Variants in TMEM161B observed in about 807,000 individuals in gnomAD.
TMEM161B encodes the protein transmembrane protein 161B.
Under a neutral mutation model 61.8 loss-of-function variants are expected in TMEM161B, and 34 were observed. The ratio of observed to expected loss-of-function variants is 0.55; its 90% CI spans 0.42 to 0.73. TMEM161B has a LOEUF of 0.73. Ranked by LOEUF, TMEM161B falls within the 30% of genes least tolerant of loss-of-function variation. The probability of loss-of-function intolerance (pLI) is 0.00; values close to 1 mark genes in which losing one functional copy is unlikely to be tolerated. For missense variants in TMEM161B, 456 were observed against 558.5 expected (o/e 0.82, Z 1.85); for synonymous variants, 167 against 192.8 (o/e 0.87, Z 1.11).
chr5:88,202,288 A>G, intron 9 of TMEM161B: 2 of 283,518 alleles, frequency 7.1e-6, no homozygotes, highest in South Asian at 7.2e-5. Context: ...GCCTATTAAT[A>G]AACTGTTTGT....
At position 88,253,323 on chromosome 5, in the gene TMEM161B, A is replaced by G. The variant is rs78391651; in HGVS notation, c.4-12407T>C. Among the ~76,000 whole-genome samples the G allele has an allele frequency of 7.0e-3, 1,070 of 152,288 alleles. 13 individuals carry two copies. Among genetic ancestry groups the G allele is most frequent in the African/African-American group, 0.024 (1,004 of 41,564 alleles). On this transcript the variant is annotated intron_variant, in intron 1 of 11. Coordinates refer to ENST00000296595, the MANE Select transcript of TMEM161B (RefSeq NM_153354.5). ...CCTCACTGCCACCTACAAATAAAATATAAGTGGTATGGTAGAGATCAATCT... is the reference window on the plus strand; with the variant it reads ...CCTCACTGCCACCTACAAATAAAATGTAAGTGGTATGGTAGAGATCAATCT...
chr5:88,253,653 C>G (rs1381598230), intron 1 of TMEM161B, among the ~76,000 whole-genome samples: 2 of 151,952 alleles, frequency 1.3e-5, no homozygotes, highest in Non-Finnish European at 2.9e-5. Context: ...TGGAAGTAAC[C>G]AAATCAAATA....
At position 88,196,170 on chromosome 5, in the gene TMEM161B, T is replaced by G; in HGVS notation, c.*41A>C. The G allele has an allele frequency of 6.4e-7, 1 of 1,556,482 alleles. No homozygotes were observed. ...CCCTTTAAGGGCACAGATATTTTAA[T>G]TTAAAGGGTGATTTGGATATGCTTT... On this transcript the variant is annotated 3_prime_UTR_variant, in exon 12 of 12. Transcript: ENST00000296595.
chr5:88,246,687 C>T (rs1198366533), intron 1 of TMEM161B, among the ~76,000 whole-genome samples: 1 of 151,908 alleles, frequency 6.6e-6, no homozygotes, highest in Non-Finnish European at 1.5e-5. Context: ...AAAAGCAGAA[C>T]TTTGAAATGT....
chr5:88,242,655 A>G (rs193078842), intron 1 of TMEM161B, among the ~76,000 whole-genome samples: 28 of 151,846 alleles, frequency 1.8e-4, no homozygotes, highest in Admixed American at 1.1e-3. Flanking sequence ...TATAAAATTG[A>G]GTTAGAAATT....
At chr5:88,240,474 A>C (rs1752539114) in intron 2 of TMEM161B, among the ~76,000 whole-genome samples, 1 of 151,740 alleles carries the variant, frequency 6.6e-6, no homozygotes, top group Admixed American at 6.6e-5. Context: ...GGGAGGACTG[A>C]ATTCTTGTCC....
chr5:88,249,951 T>C (rs1362531534), intron 1 of TMEM161B, among the ~76,000 whole-genome samples: 1 of 152,010 alleles, frequency 6.6e-6, no homozygotes, highest in African/African-American at 2.4e-5. Context: ...CACAACAAAG[T>C]TTTAACTAAC....
chr5:88,188,347 C>G (rs901620572), downstream of TMEM161B, among the ~76,000 whole-genome samples: 2 of 151,402 alleles, frequency 1.3e-5, no homozygotes, highest in Non-Finnish European at 1.5e-5. Context: ...AACTCCTGAC[C>G]TCAGATGATC....
At chr5:88,189,801 C>T in exon 13 of TMEM161B, 1 of 435,046 alleles carries the variant, frequency 2.3e-6, no homozygotes, top group Admixed American at 3.6e-5. Flanking sequence ...AGGGGTACAT[C>T]TAATTTTAAA....
intron 1 of TMEM161B, among the ~76,000 whole-genome samples, chr5:88,250,237 T>C (rs1754161389): frequency 1.3e-5 from 2 of 151,980 alleles, no homozygotes; most frequent in South Asian, 2.1e-4. Context: ...GCCTGGCTGG[T>C]AAGAAATTCT....
chr5:88,195,417 T>C lies in TMEM161B; in HGVS notation c.*794A>G, dbSNP rs1419146500. 1.1e-6 allele frequency: 1 copy of C among 926,810 alleles called. No individual in the cohort carries two copies. The highest frequency in any genetic ancestry group is 1.3e-6 in the Non-Finnish European group (1 of 778,152). The allele number at this position is 926,810 out of a possible 1,614,324, so 57.4% of individuals were successfully genotyped here. ...ACAGGTAGTCAGCAGGTTTACAAAG[T>C]AATTTCTTTAAAGTCTGATCAGTAT... On this transcript the variant is annotated 3_prime_UTR_variant, in exon 12 of 12. Coordinates refer to ENST00000296595, the MANE Select transcript of TMEM161B (RefSeq NM_153354.5).
At chr5:88,210,757 G>A (rs1486226886) in intron 5 of TMEM161B, among the ~76,000 whole-genome samples, 1 of 152,036 alleles carries the variant, frequency 6.6e-6, no homozygotes, top group Non-Finnish European at 1.5e-5. Flanking sequence ...TGACACTATG[G>A]GCTACCTAAA....
At chr5:88,230,018 C>T (rs899069346) in intron 2 of TMEM161B, among the ~76,000 whole-genome samples, 1 of 151,832 alleles carries the variant, frequency 6.6e-6, no homozygotes, top group Non-Finnish European at 1.5e-5. Context: ...ACAGTGAGAC[C>T]GTATCTCTAC....
chr5:88,194,668 C>T (rs971276829), downstream of TMEM161B, among the ~76,000 whole-genome samples: 5 of 152,040 alleles, frequency 3.3e-5, no homozygotes, highest in African/African-American at 4.8e-5. Context: ...TTTAAATCTA[C>T]ACCCAAAGAC....
At chr5:88,235,168 A>AT (rs1266529932) in intron 2 of TMEM161B, among the ~76,000 whole-genome samples, 1 of 152,208 alleles carries the variant, frequency 6.6e-6, no homozygotes, top group Non-Finnish European at 1.5e-5. Context: ...AAAATATAGA[A>AT]TGTCCTGACC....
At chr5:88,249,743 G>T (rs1399536901) in intron 1 of TMEM161B, among the ~76,000 whole-genome samples, 1 of 152,072 alleles carries the variant, frequency 6.6e-6, no homozygotes, top group Non-Finnish European at 1.5e-5. Context: ...TGAAGGACTG[G>T]ATACACTGGG....
intron 5 of TMEM161B, among the ~76,000 whole-genome samples, chr5:88,219,514 A>C (rs958563333): frequency 6.6e-6 from 1 of 152,132 alleles, no homozygotes; most frequent in African/African-American, 2.4e-5. Context: ...AGTAAAAGAC[A>C]TGAGTTTTCA....
chr5:88,187,487 CTTTAATTT>C (rs1409295199), downstream of TMEM161B, among the ~76,000 whole-genome samples: 8 of 152,168 alleles, frequency 5.3e-5, no homozygotes, highest in Non-Finnish European at 8.8e-5. Context: ...CTTATGTCTA[CTTTAATTT>C]CTCTTAACAT....
chr5:88,189,319 T>C (rs1748564702), downstream of TMEM161B, among the ~76,000 whole-genome samples: 1 of 152,174 alleles, frequency 6.6e-6, no homozygotes, highest in Non-Finnish European at 1.5e-5. Context: ...AACTTCCTCA[T>C]GCTTCGGCTA....
Sources: gnomAD v4.1 joint callset for allele counts (sites outside exome capture counted in the v4.1 genomes callset) on GRCh38, gnomAD v4.1.1 for gene constraint, MANE v1.5 for transcripts, NCBI Gene and HGNC (gene_info 2026-07-23, HGNC 2026-07-21) for gene names.